Variants in ABCA12 observed in about 807,000 individuals in gnomAD.
ABCA12 encodes ATP binding cassette subfamily A member 12, also known as glucosylceramide transporter ABCA12.
In ABCA12, 156 loss-of-function variants were observed where a neutral mutation model predicts 293.5. That is an observed-to-expected ratio of 0.53 (90% CI 0.47 to 0.61). The LOEUF is 0.61. Ranked by LOEUF, ABCA12 falls within the 20% of genes least tolerant of loss-of-function variation. The pLI is 0.00. For synonymous variants in ABCA12, 1,063 were observed against 1,108.0 expected (o/e 0.96, Z 0.81); for missense variants, 2,797 against 3,090.2 (o/e 0.91, Z 2.25).
intron 7 of ABCA12, among the ~76,000 whole-genome samples, chr2:215,044,062 A>ATT (rs111340290): frequency 4.6e-5 from 7 of 151,892 alleles, no homozygotes; most frequent in African/African-American, 1.4e-4. Flanking sequence ...TTGTTTTGCC[A>ATT]TTTTTTTATA....
intron 2 of ABCA12, among the ~76,000 whole-genome samples, chr2:215,066,764 G>A (rs1701647175): frequency 6.6e-6 from 1 of 152,114 alleles, no homozygotes. Flanking sequence ...ACAAGTTTCA[G>A]CTAACAGAGT....
In ABCA12 at chr2:214,934,163, A is replaced by G. The variant is rs1336554481; in HGVS notation, c.7595T>C (p.Val2532Ala). Reference sequence around the variant, plus strand: ...TTCCAGCAGATCAAAAATGTTTGCGACTCCTCCTGCTGTGACTGGTACATG... The same window carrying G: ...TTCCAGCAGATCAAAAATGTTTGCGGCTCCTCCTGCTGTGACTGGTACATG... Reference protein sequence around the residue: ...EYHVPVTAGGVANIFDLLETN... With the variant: ...EYHVPVTAGGAANIFDLLETN... Residue 2532 changes from valine to alanine, a missense_variant, in exon 52 of 53, where the codon GTC becomes GCC. Physicochemically the swap from Val to Ala is moderately conservative, Grantham distance 64. Transcript: ENST00000272895. 3 of 1,613,376 alleles carry G rather than the reference A, an allele frequency of 1.9e-6. No individual in the cohort carries two copies. The highest frequency in any genetic ancestry group is 2.5e-6 in the Non-Finnish European group (3 of 1,179,750).
At chr2:214,985,754 G>A (rs1175962593) in intron 28 of ABCA12, among the ~76,000 whole-genome samples, 1 of 152,190 alleles carries the variant, frequency 6.6e-6, no homozygotes, top group East Asian at 1.9e-4. Flanking sequence ...TACTAAGTAA[G>A]ATATGCAGCA....
intron 2 of ABCA12, among the ~76,000 whole-genome samples, chr2:215,097,518 G>A (rs977951294): frequency 6.6e-6 from 1 of 152,092 alleles, no homozygotes; most frequent in African/African-American, 2.4e-5. Context: ...ACAAATAGCC[G>A]AGTGTTTTGG....
At chr2:214,963,588 A>G (rs1394913284) in intron 39 of ABCA12, among the ~76,000 whole-genome samples, 2 of 147,642 alleles carry the variant, frequency 1.4e-5, no homozygotes, top group African/African-American at 5.1e-5. Context: ...TCTGATACCA[A>G]AACCTGGCAG....
intron 7 of ABCA12, among the ~76,000 whole-genome samples, chr2:215,039,704 C>G (rs1261158697): frequency 1.3e-5 from 2 of 151,754 alleles, no homozygotes; most frequent in African/African-American, 2.4e-5. Context: ...GCAGTGAGCC[C>G]AGATCCCGCC....
At chr2:214,939,125 G>C (rs773180188) in intron 50 of ABCA12, among the ~76,000 whole-genome samples, 1 of 152,104 alleles carries the variant, frequency 6.6e-6, no homozygotes, top group Admixed American at 6.6e-5. Context: ...AATCCATGTC[G>C]AATTAATTTT....
chr2:215,122,534 G>A (rs1702829471), intron 1 of ABCA12, among the ~76,000 whole-genome samples: 1 of 152,178 alleles, frequency 6.6e-6, no homozygotes, highest in Non-Finnish European at 1.5e-5. Context: ...GTGGTAATAT[G>A]AGCAAGTTGG....
intron 44 of ABCA12, among the ~76,000 whole-genome samples, chr2:214,951,832 C>T (rs1370233089): frequency 1.3e-5 from 2 of 151,774 alleles, no homozygotes; most frequent in African/African-American, 4.8e-5. Flanking sequence ...TAAGATCTAC[C>T]CTTTTAACAA....
intron 2 of ABCA12, chr2:215,075,519 T>G (rs6711179): frequency 1.4e-6 from 1 of 689,880 alleles, no homozygotes; most frequent in Non-Finnish European, 2.6e-6. Context: ...TATTGTGCAA[T>G]CATAACCCTG....
rs185744124 is a variant in ABCA12 at position 215,033,906 on chromosome 2, A to C, written c.986-2010T>G. On this transcript the variant is annotated intron_variant, in intron 8 of 52. Transcript: ENST00000272895. ...CAGTGAGCCGAGATCATGCCACTGC[A>C]CTCCAACCTGGGCGACGGAGTGAGA... Among the ~76,000 whole-genome samples, 927 of 152,212 alleles carry C rather than the reference A, an allele frequency of 6.1e-3. 8 individuals carry two copies. Among genetic ancestry groups the C allele is most frequent in the Non-Finnish European group, 9.5e-3 (649 of 68,018 alleles).
At chr2:214,999,937 A>ACCCAGTTATTGCAGTT in intron 22 of ABCA12, 1 of 474,890 alleles carries the variant, frequency 2.1e-6, no homozygotes, top group Non-Finnish European at 2.8e-6. Context: ...ATAAACTGCA[A>ACCCAGTTATTGCAGTT]TAACTGGGTT....
rs976660005 is a variant in ABCA12 at position 215,016,322 on chromosome 2, G to C, written c.1783-659C>G. Among the ~76,000 whole-genome samples, 5 of 150,862 alleles carry C rather than the reference G, an allele frequency of 3.3e-5. No individual in the cohort carries two copies. In the South Asian group the frequency reaches 1.1e-3, roughly 32 times the overall value. ...TCCCTGGCTGGGCGCGGTGGCTCACGCCTCTAATCCCAGCACTTTGGGAGG... is the reference window on the plus strand; with the variant it reads ...TCCCTGGCTGGGCGCGGTGGCTCACCCCTCTAATCCCAGCACTTTGGGAGG... On this transcript the variant is annotated intron_variant, in intron 14 of 52. Transcript: ENST00000272895.
In ABCA12 at chr2:214,956,739, T is replaced by C. The variant is rs1353768389; in HGVS notation, c.6157A>G (p.Ile2053Val). The C allele has an allele frequency of 6.8e-6, 11 of 1,613,206 alleles. No homozygotes were observed. Among genetic ancestry groups the C allele is most frequent in the Non-Finnish European group, 8.5e-6 (10 of 1,179,722 alleles). The change falls in exon 42 of 53, where the codon ATT becomes GTT. Residue 2053 changes from isoleucine (I) to valine (V), a missense_variant. Ile to Val is a conservative substitution (Grantham distance 29). Coordinates refer to ENST00000272895, the MANE Select transcript of ABCA12 (RefSeq NM_173076.3). ...AATGCAGGTAATTTGAAAATCGCAA[T>C]GATACCAATTGAAAACGCTACAGGC... ...LVPVAFSIGI[I>V]AIFKLPAFYS...
chr2:215,100,937 A>G (rs1316769324), intron 2 of ABCA12, among the ~76,000 whole-genome samples: 1 of 152,200 alleles, frequency 6.6e-6, no homozygotes, highest in East Asian at 1.9e-4. Context: ...TATCAATGAA[A>G]TCATCTTGGA....
intron 2 of ABCA12, among the ~76,000 whole-genome samples, chr2:215,071,039 A>C: frequency 6.6e-6 from 1 of 151,422 alleles, no homozygotes; most frequent in African/African-American, 2.4e-5. Context: ...ACTCAAGAAA[A>C]CCCACAAACT....
At position 214,980,430 on chromosome 2, in the gene ABCA12, T is replaced by C. The variant is rs1326425679; in HGVS notation, c.4740+53A>G. On this transcript the variant is annotated intron_variant, in intron 31 of 52. Coordinates refer to ENST00000272895, the MANE Select transcript of ABCA12 (RefSeq NM_173076.3). ...TTGGAGAGACTCTGCTCCTATTTCA[T>C]ATAAAACTTAATTTATGGTGCCATA... The C allele has an allele frequency of 6.2e-6, 10 of 1,607,928 alleles. No individual in the cohort carries two copies. In the Admixed American group the frequency reaches 1.5e-4, roughly 24 times the overall value.
intron 22 of ABCA12, among the ~76,000 whole-genome samples, chr2:214,999,597 G>T (rs866255563): frequency 6.6e-6 from 1 of 152,090 alleles, no homozygotes; most frequent in Non-Finnish European, 1.5e-5. Context: ...CACCATCCTA[G>T]GTACCAAAAT....
In ABCA12 at chr2:214,951,083, C is replaced by A. The variant is rs145031776; in HGVS notation, c.6648G>T (p.Arg2216Ser). The change falls in exon 45 of 53, where the codon AGG (arginine) becomes AGT (serine). Residue 2216 changes from arginine (R) to serine (S), a missense_variant and splice_region_variant. By Grantham distance (110) the Arg-to-Ser change is moderately radical. Around this residue, in one of 3 missense-constraint regions of ABCA12, gnomAD observed 2,130 missense variants for 2,427.0 expected, o/e 0.88. Coordinates refer to ENST00000272895, the MANE Select transcript of ABCA12 (RefSeq NM_173076.3). ...AAGAATTAAATTTTCTGAAGAAAAG[C>A]CTAAAAATGGACCCAGTGATTTTAC... ...LINESLIKKL[R>S]LFFRKFNSSH... 3.1e-3 allele frequency: 4,982 copies of A among 1,613,134 alleles called. 172 individuals carry two copies. In the Admixed American group the frequency reaches 0.07, roughly 23 times the overall value.
Sources: allele counts gnomAD v4.1 joint callset (sites outside exome capture counted in the v4.1 genomes callset), GRCh38; gene constraint gnomAD v4.1.1; regional missense constraint gnomAD v4.1.1; transcripts MANE v1.5; gene names NCBI Gene and HGNC (gene_info 2026-07-23, HGNC 2026-07-21).